Variants in FANCA observed in about 807,000 individuals in gnomAD.
The protein encoded by FANCA is FA complementation group A.
In FANCA, 236 loss-of-function variants were observed where a neutral mutation model predicts 194.3. That is an observed-to-expected ratio of 1.21 (90% confidence interval 1.09 to 1.35). The LOEUF (loss-of-function observed/expected upper bound fraction) is 1.35, where lower values mean the gene tolerates loss of function less well. FANCA is among the 40% of genes most tolerant of loss of function. The pLI is 0.00. For missense variants in FANCA, 2,628 were observed against 1,813.9 expected, an observed-to-expected ratio of 1.45 and a Z score of -8.15; for synonymous variants, 1,014 against 715.8, an observed-to-expected ratio of 1.42 and a Z score of -6.65.
chr16:89,799,862 G>A (rs958667716), intron 8 of FANCA, among the ~76,000 whole-genome samples: 18 of 152,164 alleles, frequency 1.2e-4, no homozygotes, highest in Admixed American at 3.9e-4. Context: ...GCGCAGTGGC[G>A]GACGCCCTGT....
intron 28 of FANCA, among the ~76,000 whole-genome samples, chr16:89,762,272 G>C (rs563968066): frequency 4.7e-4 from 71 of 152,164 alleles, no homozygotes; most frequent in Non-Finnish European, 9.6e-4. Context: ...GGCTATTTTA[G>C]TCTGGGCAAC....
intron 14 of FANCA, among the ~76,000 whole-genome samples, chr16:89,787,010 G>C (rs140692038): frequency 3.2e-3 from 485 of 152,324 alleles, no homozygotes; most frequent in African/African-American, 0.011. Flanking sequence ...GAACAGTCCA[G>C]ACCCGTCGCC....
rs1598199184 is a variant in FANCA, at chr16:89,814,515, C to T, written c.283+5G>A. On this transcript the variant is annotated splice_donor_5th_base_variant and intron_variant, in intron 3 of 42. Transcript: ENST00000389301. ...CAAAATAGAGAAAATGAAGCTATAA[C>T]TTACCTATAAATGAACTAGAATGAT... 1 of 1,596,080 alleles carries T rather than the reference C, an allele frequency of 6.3e-7. No individual in the cohort carries two copies. Among genetic ancestry groups the T allele is most frequent in the Non-Finnish European group, 8.6e-7 (1 of 1,163,694 alleles).
rs967308931 is a variant in FANCA, at chr16:89,803,616, ATTTT to A, written c.710-279_710-276del. ...TGAAAGGGAACAAGTTTATAGTCAG[ATTTT>A]TTTCTTTTTTTTTTTTTTTGTGAGA... On this transcript the variant is annotated intron_variant, in intron 7 of 42. Coordinates refer to ENST00000389301, the MANE Select transcript of FANCA (RefSeq NM_000135.4). Among the ~76,000 whole-genome samples the A allele has an allele frequency of 1.8e-3, 261 of 141,338 alleles. 1 individual carries two copies. Among genetic ancestry groups the A allele is most frequent in the African/African-American group, 6.8e-3 (250 of 36,912 alleles). The allele number at this position is 141,338 out of a possible 152,430, so 92.7% of individuals were successfully genotyped here.
intron 30 of FANCA, among the ~76,000 whole-genome samples, chr16:89,752,896 C>T (rs1018060235): frequency 9.2e-5 from 14 of 152,194 alleles, no homozygotes; most frequent in East Asian, 5.8e-4. Flanking sequence ...CTCCCTTTCC[C>T]CCGGGGAGTT....
chr16:89,748,049 G>A (rs1465033983), intron 33 of FANCA, among the ~76,000 whole-genome samples: 1 of 152,212 alleles, frequency 6.6e-6, no homozygotes, highest in African/African-American at 2.4e-5. Context: ...GTAGGTGGGA[G>A]TACAGGCGTG....
chr16:89,744,778 T>C (rs1438597414), intron 36 of FANCA, 181 bp downstream of exon 36: 8 of 655,468 alleles, frequency 1.2e-5, no homozygotes, highest in Non-Finnish European at 1.9e-5. Context: ...TGCCTCGGCC[T>C]CCCCAGTAGT....
chr16:89,806,011 C>T (rs2040627383), intron 6 of FANCA, among the ~76,000 whole-genome samples: 1 of 152,114 alleles, frequency 6.6e-6, no homozygotes, highest in South Asian at 2.1e-4. Context: ...CTCCCAAGTT[C>T]AAGCGATTCT....
Position 89,808,323 on chromosome 16 carries a change from G to C in FANCA, c.567C>G (p.Gly189=), listed in dbSNP as rs2143657102. The change falls in exon 6 of 43, where the codon GGC becomes GGG. Residue 189 remains glycine (G), a synonymous_variant. Transcript: ENST00000389301. ...CCAGCAGCTCTTGCAGGCTCACAAT[G>C]CCTTGTACGTGAAGATGCCACACCG... ...LEAVWHLHVQ[G]IVSLQELLES... 1 of 1,614,080 alleles carries C rather than the reference G, an allele frequency of 6.2e-7. No homozygotes were observed. The highest frequency in any genetic ancestry group is 2.2e-5 in the East Asian group (1 of 44,888).
intron 26 of FANCA, 43 bp downstream of exon 26, chr16:89,769,794 C>T (rs753231978): frequency 2.1e-5 from 33 of 1,604,194 alleles, no homozygotes; most frequent in Middle Eastern, 1.6e-4. Flanking sequence ...TGTCACTTTT[C>T]GAGAGAGAGG....
At chr16:89,781,752 C>A (rs1199676871) in intron 17 of FANCA, among the ~76,000 whole-genome samples, 1 of 146,272 alleles carries the variant, frequency 6.8e-6, no homozygotes, top group East Asian at 2.1e-4. Context: ...GTAATCCCAG[C>A]ACTTTGAGAG....
chr16:89,795,599 C>T (rs1228020495), intron 11 of FANCA, among the ~76,000 whole-genome samples: 3 of 152,210 alleles, frequency 2.0e-5, no homozygotes, highest in African/African-American at 2.4e-5. Flanking sequence ...GATCACGCCA[C>T]TGCACTCCAG....
intron 10 of FANCA, among the ~76,000 whole-genome samples, chr16:89,797,441 C>T (rs1351457524): frequency 6.6e-6 from 1 of 152,222 alleles, no homozygotes; most frequent in East Asian, 1.9e-4. Flanking sequence ...ACTCAAGACA[C>T]TCACACAACA....
chr16:89,813,515 C>T (rs1278688844), intron 3 of FANCA, among the ~76,000 whole-genome samples: 1 of 152,096 alleles, frequency 6.6e-6, no homozygotes, highest in Non-Finnish European at 1.5e-5. Flanking sequence ...TCAATGCAAC[C>T]TCTGCCTCCC....
At chr16:89,791,878 C>A (rs1317178275) in intron 13 of FANCA, 49 bp downstream of exon 13, 1 of 1,612,114 alleles carries the variant, frequency 6.2e-7, no homozygotes. Flanking sequence ...GCTGACACCC[C>A]CCTACACACA....
rs1162738335 is a variant in FANCA at position 89,816,488 on chromosome 16, G to C, written c.79+49C>G. On this transcript the variant is annotated intron_variant, in intron 1 of 42. Coordinates refer to ENST00000389301, the MANE Select transcript of FANCA (RefSeq NM_000135.4). ...AAGGGATCGGGGAACCGGCGAAACC[G>C]TCCCGGGCCGGACGCCGCCCACTCC... 3.5e-6 allele frequency: 5 copies of C among 1,441,192 alleles called. 1 individual carries two copies. In the South Asian group the frequency reaches 4.0e-5, roughly 11 times the overall value. The allele number at this position is 1,441,192 out of a possible 1,614,324, so 89.3% of individuals were successfully genotyped here. A position where few individuals can be genotyped will look rare whatever the true frequency, so the allele number is the denominator to read the frequency against.
At chr16:89,814,162 G>A (rs147291147) in intron 3 of FANCA, among the ~76,000 whole-genome samples, 2 of 152,154 alleles carry the variant, frequency 1.3e-5, no homozygotes, top group Non-Finnish European at 2.9e-5. Context: ...GGGGGGAGAA[G>A]GAGGTACCTA....
At chr16:89,816,498 G>A in intron 1 of FANCA, 39 bp downstream of exon 1, 4 of 1,459,402 alleles carry the variant, frequency 2.7e-6, no homozygotes, top group Non-Finnish European at 3.6e-6. Context: ...GTCCCGGGCC[G>A]GACGCCGCCC....
At chr16:89,783,557 A>C (rs1306977424) in intron 15 of FANCA, among the ~76,000 whole-genome samples, 1 of 151,742 alleles carries the variant, frequency 6.6e-6, no homozygotes, top group Non-Finnish European at 1.5e-5. Flanking sequence ...TTTCCAAAAA[A>C]AAAAACAACA....
Sources: allele counts gnomAD v4.1 joint callset (sites outside exome capture counted in the v4.1 genomes callset), GRCh38; gene constraint gnomAD v4.1.1; transcripts MANE v1.5; gene names NCBI Gene and HGNC (gene_info 2026-07-23, HGNC 2026-07-21).